CGGBP1: variants seen among roughly 807,000 people sequenced by gnomAD.
The protein encoded by CGGBP1 is CGG triplet repeat-binding protein 1.
CGGBP1 carries 4 observed loss-of-function variants against 11.4 expected under a neutral mutation model. The observed-to-expected ratio is 0.35, with a 90% CI of 0.17 to 0.80. The LOEUF is 0.80. CGGBP1 is among the 30% of genes least tolerant of loss of function. The pLI is 0.52. For synonymous variants in CGGBP1, 76 were observed against 74.1 expected, an observed-to-expected ratio of 1.03 and a Z score of -0.13; for missense variants, 135 against 202.1, an observed-to-expected ratio of 0.67 and a Z score of 2.01.
chr3:88,135,278 A>G, intron 2 of CGGBP1: 2 of 1,191,930 alleles, frequency 1.7e-6, no homozygotes, highest in Non-Finnish European at 2.2e-6. Flanking sequence ...TTTTGATAAA[A>G]TTTATTTGAT....
chr3:88,129,498 CATTGTAAA>C (rs1706322295), intron 2 of CGGBP1, among the ~76,000 whole-genome samples: 1 of 151,966 alleles, frequency 6.6e-6, no homozygotes, highest in Non-Finnish European at 1.5e-5. Flanking sequence ...TAAAAGTAGT[CATTGTAAA>C]ATGTAGGTGC....
intron 2 of CGGBP1, among the ~76,000 whole-genome samples, chr3:88,066,759 C>A (rs1707223779): frequency 6.6e-6 from 1 of 152,018 alleles, no homozygotes; most frequent in African/African-American, 2.4e-5. Context: ...TGCTTTCCTG[C>A]CAAAATGTGC....
At position 88,080,430 on chromosome 3, in the gene CGGBP1, A is replaced by C. The variant is rs375741362; in HGVS notation, c.-228-22207T>G. ...TGATAGCTCTTGTTTGTTACATGCCAGGAATTATCCTATATTTTAATATAT... is the reference window on the plus strand; with the variant it reads ...TGATAGCTCTTGTTTGTTACATGCCCGGAATTATCCTATATTTTAATATAT... On this transcript the variant is annotated intron_variant, in intron 2 of 3. Coordinates refer to the CGGBP1 transcript ENST00000462901. 9.8e-5 allele frequency among the ~76,000 whole-genome samples: 15 copies of C among 152,298 alleles called. 1 individual carries two copies. In the East Asian group the frequency reaches 1.5e-3, roughly 16 times the overall value.
chr3:88,099,613 G>T (rs1344287266), intron 2 of CGGBP1, among the ~76,000 whole-genome samples: 1 of 152,104 alleles, frequency 6.6e-6, no homozygotes, highest in Non-Finnish European at 1.5e-5. Context: ...CATGGTACTG[G>T]TACCAAAACA....
chr3:88,071,375 TG>T (rs1452188896), intron 2 of CGGBP1, among the ~76,000 whole-genome samples: 4 of 152,264 alleles, frequency 2.6e-5, no homozygotes, highest in African/African-American at 9.6e-5. Context: ...CCGGGTGCAG[TG>T]GCTCACTCCT....
At chr3:88,111,245 G>GA (rs1232223338) in intron 2 of CGGBP1, among the ~76,000 whole-genome samples, 3 of 151,912 alleles carry the variant, frequency 2.0e-5, no homozygotes, top group African/African-American at 7.2e-5. Context: ...TAGTAAAAAT[G>GA]AAAAATTACA....
chr3:88,104,644 T>C (rs1249045566), intron 2 of CGGBP1, among the ~76,000 whole-genome samples: 2 of 152,216 alleles, frequency 1.3e-5, no homozygotes, highest in East Asian at 3.8e-4. Context: ...TTAGGCGGGA[T>C]TTTTAAAGAT....
At chr3:88,075,565 A>T (rs914643498) in intron 2 of CGGBP1, among the ~76,000 whole-genome samples, 1 of 152,070 alleles carries the variant, frequency 6.6e-6, no homozygotes, top group Non-Finnish European at 1.5e-5. Context: ...GCTCTTTTAG[A>T]CCTTTTCTTT....
chr3:88,104,429 C>T (rs1364772333), intron 2 of CGGBP1, among the ~76,000 whole-genome samples: 1 of 152,144 alleles, frequency 6.6e-6, no homozygotes, highest in Non-Finnish European at 1.5e-5. Flanking sequence ...GCCATAAACA[C>T]TACATAAATT....
chr3:88,059,071 C>T (rs752605404), upstream of CGGBP1: 1 of 715,042 alleles, frequency 1.4e-6, no homozygotes, highest in Non-Finnish European at 2.2e-6. Flanking sequence ...GCCGGTTTAT[C>T]AAACAGACTG....
rs543701053 is a variant in CGGBP1 at position 88,128,460 on chromosome 3, T to C, written c.-229+12510A>G. Among the ~76,000 whole-genome samples, 9 of 152,220 alleles carry C rather than the reference T, an allele frequency of 5.9e-5. No individual in the cohort carries two copies. In the South Asian group the frequency reaches 1.9e-3, roughly 32 times the overall value. The stretch of plus-strand genomic sequence containing the variant: ...TATTGAGCAGTAAGAAGATAAAGTA[T>C]GTAATCTTAGACTAAAAAGACATAG... On this transcript the variant is annotated intron_variant, in intron 2 of 3. Coordinates refer to the CGGBP1 transcript ENST00000462901.
chr3:88,068,951 T>A (rs936561614), intron 2 of CGGBP1, among the ~76,000 whole-genome samples: 1 of 152,280 alleles, frequency 6.6e-6, no homozygotes, highest in Non-Finnish European at 1.5e-5. Context: ...GTATCTATTG[T>A]ACCATCTATG....
intron 2 of CGGBP1, among the ~76,000 whole-genome samples, chr3:88,065,079 ATTATTT>A (rs1414108295): frequency 6.6e-6 from 1 of 152,224 alleles, no homozygotes; most frequent in African/African-American, 2.4e-5. Flanking sequence ...TTGATGCAAA[ATTATTT>A]TTATTTCTCA....
At chr3:88,086,271 T>C (rs1466564926) in intron 2 of CGGBP1, 1 of 1,533,732 alleles carries the variant, frequency 6.5e-7, no homozygotes, top group Non-Finnish European at 8.7e-7. Flanking sequence ...TTGAAGATTA[T>C]GCTGGAAGAT....
In CGGBP1 at chr3:88,141,099, A is replaced by C. The variant is rs568023384; in HGVS notation, c.-337-21T>G. 2.0e-6 allele frequency: 3 copies of C among 1,524,774 alleles called. No individual in the cohort carries two copies. The East Asian group carries it at 6.8e-5, about 34-fold the overall frequency. The allele number at this position is 1,524,774 out of a possible 1,614,324, so 94.5% of individuals were successfully genotyped here. A position where few individuals can be genotyped will look rare whatever the true frequency, so the allele number is the denominator to read the frequency against. On this transcript the variant is annotated intron_variant, in intron 1 of 3. Transcript: ENST00000462901. ...GGTATCTGTAGAAAGAGAAAATGGC[A>C]TAAATAAAACTATTATAGATCTTTG...
chr3:88,063,260 T>C (rs1214661008), upstream of CGGBP1, among the ~76,000 whole-genome samples: 1 of 152,170 alleles, frequency 6.6e-6, no homozygotes, highest in African/African-American at 2.4e-5. Context: ...TTGAGAAACT[T>C]GGCTGTACCC....
chr3:88,148,440 C>T (rs901093263), intron 1 of CGGBP1, among the ~76,000 whole-genome samples: 1 of 152,148 alleles, frequency 6.6e-6, no homozygotes, highest in Admixed American at 6.5e-5. Flanking sequence ...ACAACACTCC[C>T]AAAAGCTCCT....
upstream of CGGBP1, among the ~76,000 whole-genome samples, chr3:88,061,760 T>C (rs1397232470): frequency 6.6e-6 from 1 of 152,168 alleles, no homozygotes; most frequent in Non-Finnish European, 1.5e-5. Context: ...TTTTTAAAAA[T>C]TTGGTTTTCT....
At position 88,051,979 on chromosome 3, in the gene CGGBP1, T is replaced by C. The variant is rs945991567; in HGVS notation, c.*3494A>G. On this transcript the variant is annotated 3_prime_UTR_variant, in exon 4 of 4. Coordinates refer to ENST00000482016, the MANE Select transcript of CGGBP1 (RefSeq NM_001008390.2). Reference sequence around the variant, plus strand: ...TTGTAATCAGGAAATATATTTGTCATTGACTCACAAAACAAAATGTGCTTT... The same window carrying C: ...TTGTAATCAGGAAATATATTTGTCACTGACTCACAAAACAAAATGTGCTTT... 1 of 152,496 alleles carries C rather than the reference T, an allele frequency of 6.6e-6. No individual in the cohort carries two copies. Among genetic ancestry groups the C allele is most frequent in the Non-Finnish European group, 1.5e-5 (1 of 68,026 alleles). The allele number at this position is 152,496 out of a possible 1,614,324, so 9.4% of individuals were successfully genotyped here.
Sources: allele counts gnomAD v4.1 joint callset (sites outside exome capture counted in the v4.1 genomes callset), GRCh38; gene constraint gnomAD v4.1.1; transcripts MANE v1.5; gene names NCBI Gene and HGNC (gene_info 2026-07-23, HGNC 2026-07-21).